Variants in ADAMTS17 observed in about 807,000 individuals in gnomAD.
ADAMTS17 encodes the protein ADAM metallopeptidase with thrombospondin type 1 motif 17, also known as A disintegrin and metalloproteinase with thrombospondin motifs 17.
In ADAMTS17, 113 loss-of-function variants were observed where a neutral mutation model predicts 141.5. That is an observed-to-expected ratio of 0.80 (90% CI 0.69 to 0.93). The LOEUF is 0.93. Ranked by LOEUF, ADAMTS17 falls within the 40% of genes least tolerant of loss-of-function variation. ADAMTS17 has a pLI of 0.00. For synonymous variants in ADAMTS17, 768 were observed against 630.6 expected, an observed-to-expected ratio of 1.22 and a Z score of -3.27; for missense variants, 1,659 against 1,517.9, an observed-to-expected ratio of 1.09 and a Z score of -1.54.
chr15:99,983,165 C>T (rs1381854374), intron 20 of ADAMTS17, among the ~76,000 whole-genome samples: 2 of 152,156 alleles, frequency 1.3e-5, no homozygotes, highest in Admixed American at 6.5e-5. Flanking sequence ...CGGCAGTCAC[C>T]GTCGCAGCAG....
intron 3 of ADAMTS17, among the ~76,000 whole-genome samples, chr15:100,322,095 C>T (rs2045748977): frequency 6.6e-6 from 1 of 152,012 alleles, no homozygotes; most frequent in Non-Finnish European, 1.5e-5. Context: ...AATCCAAACA[C>T]CTGAAGGTTG....
chr15:100,257,648 C>T (rs141273552), intron 6 of ADAMTS17, among the ~76,000 whole-genome samples: 12 of 152,340 alleles, frequency 7.9e-5, no homozygotes, highest in African/African-American at 2.9e-4. Context: ...GAGGACATTG[C>T]CCATGCCCCC....
intron 18 of ADAMTS17, among the ~76,000 whole-genome samples, chr15:100,026,997 T>C (rs2061527250): frequency 6.6e-6 from 1 of 152,184 alleles, no homozygotes. Context: ...GTCTAGTGGG[T>C]GTGTCAGTGG....
chr15:100,254,374 CCCA>C (rs1221363401), intron 6 of ADAMTS17, among the ~76,000 whole-genome samples, 195 bp from the exon 7 acceptor site: 2 of 152,176 alleles, frequency 1.3e-5, no homozygotes, highest in Non-Finnish European at 2.9e-5. Context: ...GTCCACTTAC[CCCA>C]CATGAGAACC....
chr15:100,261,833 T>C (rs1278876249), intron 5 of ADAMTS17, among the ~76,000 whole-genome samples, 197 bp from the exon 6 acceptor site: 2 of 152,130 alleles, frequency 1.3e-5, no homozygotes, highest in Non-Finnish European at 2.9e-5. Flanking sequence ...GCCTTACATA[T>C]AGGTGCAAGT....
intron 10 of ADAMTS17, among the ~76,000 whole-genome samples, chr15:100,139,430 A>C (rs372193216): frequency 6.6e-6 from 1 of 152,134 alleles, no homozygotes; most frequent in African/African-American, 2.4e-5. Context: ...AACCAGGGGG[A>C]GTGCCCCCGA....
At chr15:100,093,682 G>C (rs978564297) in intron 15 of ADAMTS17, among the ~76,000 whole-genome samples, 1 of 151,992 alleles carries the variant, frequency 6.6e-6, no homozygotes, top group Non-Finnish European at 1.5e-5. Context: ...GCTTTTGGAG[G>C]CCTAGGTCTG....
intron 7 of ADAMTS17, among the ~76,000 whole-genome samples, chr15:100,215,479 G>A (rs1020329313): frequency 6.6e-6 from 1 of 152,102 alleles, no homozygotes; most frequent in African/African-American, 2.4e-5. Flanking sequence ...CATTATCTGA[G>A]CTTGTGCACT....
At chr15:100,293,328 G>A (rs1044045839) in intron 3 of ADAMTS17, among the ~76,000 whole-genome samples, 11 of 152,202 alleles carry the variant, frequency 7.2e-5, no homozygotes, top group Non-Finnish European at 1.6e-4. Flanking sequence ...AGGTGGTCCT[G>A]TTTTTTACTG....
chr15:100,214,442 A>C (rs964392814), intron 7 of ADAMTS17, among the ~76,000 whole-genome samples: 6 of 152,224 alleles, frequency 3.9e-5, no homozygotes, highest in Non-Finnish European at 7.3e-5. Context: ...TTCATTCATT[A>C]TTCTAGTCTT....
chr15:99,984,942 G>A (rs1309236411), intron 20 of ADAMTS17, among the ~76,000 whole-genome samples: 1 of 152,226 alleles, frequency 6.6e-6, no homozygotes, highest in Non-Finnish European at 1.5e-5. Context: ...ATGGAGGGAC[G>A]GCAGGGGACC....
chr15:100,101,468 G>C (rs1224806327), intron 14 of ADAMTS17, among the ~76,000 whole-genome samples: 1 of 152,182 alleles, frequency 6.6e-6, no homozygotes, highest in African/African-American at 2.4e-5. Flanking sequence ...CACCCTATGG[G>C]TTTTCTGCTA....
intron 15 of ADAMTS17, among the ~76,000 whole-genome samples, chr15:100,089,658 A>G (rs1220297220): frequency 6.6e-6 from 1 of 152,076 alleles, no homozygotes; most frequent in African/African-American, 2.4e-5. Flanking sequence ...AGCCATAAAA[A>G]ATGATGAGTT....
At chr15:100,323,579 G>A (rs1194385547) in intron 3 of ADAMTS17, among the ~76,000 whole-genome samples, 1 of 151,732 alleles carries the variant, frequency 6.6e-6, no homozygotes, top group Non-Finnish European at 1.5e-5. Flanking sequence ...CAAGAAGTTA[G>A]GGAAAAAGCA....
intron 13 of ADAMTS17, among the ~76,000 whole-genome samples, chr15:100,110,850 T>A (rs1333922533): frequency 6.6e-6 from 1 of 152,110 alleles, no homozygotes; most frequent in African/African-American, 2.4e-5. Context: ...GACCTTGGCA[T>A]CCCACCTGCA....
At chr15:100,199,449 C>T (rs1415176092) in intron 7 of ADAMTS17, 26 bp from the exon 8 acceptor site, 8 of 1,600,168 alleles carry the variant, frequency 5.0e-6, no homozygotes, top group Non-Finnish European at 6.0e-6. Context: ...AAAACACATC[C>T]TCTTCAGAAC....
chr15:100,187,872 A>T (rs1328920042), intron 8 of ADAMTS17, among the ~76,000 whole-genome samples: 1 of 152,242 alleles, frequency 6.6e-6, no homozygotes, highest in African/African-American at 2.4e-5. Context: ...GCAAGAGAGC[A>T]AAGTCAGCAT....
At chr15:100,062,014 T>C (rs77300813) in intron 15 of ADAMTS17, among the ~76,000 whole-genome samples, 1,602 of 152,310 alleles carry the variant, frequency 0.011, 28 homozygotes, top group African/African-American at 0.037. Flanking sequence ...GAGTGGGCTC[T>C]TTGCGAATTT....
chr15:100,224,741 C>G (rs559088540), intron 7 of ADAMTS17, among the ~76,000 whole-genome samples: 28 of 152,230 alleles, frequency 1.8e-4, no homozygotes, highest in Non-Finnish European at 3.8e-4. Context: ...GCACTGACCG[C>G]ACCAGGCATT....
Sources: allele counts gnomAD v4.1 joint callset (sites outside exome capture counted in the v4.1 genomes callset), GRCh38; gene constraint gnomAD v4.1.1; transcripts MANE v1.5; gene names NCBI Gene and HGNC (gene_info 2026-07-23, HGNC 2026-07-21).